Variants in ESRRG observed in about 807,000 individuals in gnomAD.
ESRRG encodes estrogen related receptor gamma.
ESRRG carries 13 observed loss-of-function variants against 44.0 expected under a neutral mutation model. The observed-to-expected ratio is 0.30, with a 90% CI of 0.19 to 0.47. The LOEUF (loss-of-function observed/expected upper bound fraction) is 0.47. Among genes scored for constraint, ESRRG ranks in the 20% least tolerant of loss-of-function variants. ESRRG has a pLI of 1.00. For synonymous variants in ESRRG, 215 were observed against 214.6 expected (o/e 1.00, Z -0.02); for missense variants, 395 against 580.6 (o/e 0.68, Z 3.29).
At chr1:216,773,402 T>C (rs79133455) in intron 2 of ESRRG, among the ~76,000 whole-genome samples, 11,025 of 152,152 alleles carry the variant, frequency 0.072, 487 homozygotes, top group Middle Eastern at 0.14. Flanking sequence ...GATGTAGATA[T>C]GGTATCTTAC....
intron 1 of ESRRG, among the ~76,000 whole-genome samples, chr1:216,983,692 GTGTGT>G: frequency 1.8e-5 from 1 of 55,860 alleles, no homozygotes; most frequent in African/African-American, 1.8e-4. Flanking sequence ...GTGCATGTGT[GTGTGT>G]GTGTGTGTGT....
At chr1:216,886,637 A>G (rs2096522137) in intron 2 of ESRRG, among the ~76,000 whole-genome samples, 1 of 152,118 alleles carries the variant, frequency 6.6e-6, no homozygotes, top group African/African-American at 2.4e-5. Flanking sequence ...TTTTTATTCC[A>G]CTTAAAAATT....
chr1:216,537,351 A>G (rs1269500552), intron 5 of ESRRG, among the ~76,000 whole-genome samples: 1 of 152,094 alleles, frequency 6.6e-6, no homozygotes, highest in East Asian at 1.9e-4. Context: ...CTCTAGAACC[A>G]TAAGAAATGC....
chr1:216,987,327 A>G (rs568840508), intron 1 of ESRRG, among the ~76,000 whole-genome samples: 2 of 152,372 alleles, frequency 1.3e-5, no homozygotes, highest in Admixed American at 1.3e-4. Context: ...CCATCAACCT[A>G]TGAAGGAATA....
At chr1:217,088,463 C>T (rs1162890515) in intron 1 of ESRRG, among the ~76,000 whole-genome samples, 1 of 126,150 alleles carries the variant, frequency 7.9e-6, no homozygotes, top group Non-Finnish European at 1.6e-5. Context: ...CAACATTGCC[C>T]TCTGGTTTAT....
chr1:217,134,148 GA>G (rs2093014028), intron 1 of ESRRG, among the ~76,000 whole-genome samples: 1 of 152,126 alleles, frequency 6.6e-6, no homozygotes, highest in African/African-American at 2.4e-5. Flanking sequence ...GCTCGGGAGG[GA>G]ACTGGGGATG....
At chr1:217,127,401 G>A (rs550110878) in intron 1 of ESRRG, among the ~76,000 whole-genome samples, 15 of 152,266 alleles carry the variant, frequency 9.9e-5, no homozygotes, top group South Asian at 8.3e-4. Flanking sequence ...ATCAAAAGAT[G>A]GCCTTGAAAA....
chr1:216,890,082 T>C (rs1324402911), intron 2 of ESRRG, among the ~76,000 whole-genome samples: 3 of 151,960 alleles, frequency 2.0e-5, no homozygotes, highest in Middle Eastern at 3.5e-3. Flanking sequence ...TTGGGGAACA[T>C]GGGAAGATCC....
intron 2 of ESRRG, among the ~76,000 whole-genome samples, chr1:216,796,264 C>T (rs116699551): frequency 0.019 from 2,896 of 152,226 alleles, 95 homozygotes; most frequent in African/African-American, 0.064. Context: ...ACACCCTTAC[C>T]CCACTTCCCC....
intron 1 of ESRRG, among the ~76,000 whole-genome samples, chr1:217,136,018 T>G (rs1045063495): frequency 4.6e-5 from 7 of 152,152 alleles, no homozygotes; most frequent in African/African-American, 1.7e-4. Context: ...TTATTAGAAT[T>G]TACAGTAGTG....
At chr1:216,663,142 A>C (rs2072962646) in intron 2 of ESRRG, among the ~76,000 whole-genome samples, 2 of 152,180 alleles carry the variant, frequency 1.3e-5, no homozygotes, top group Admixed American at 1.3e-4. Flanking sequence ...AGTATCACAA[A>C]ATTTGAAATT....
At chr1:216,601,198 C>A (rs902218247) in intron 3 of ESRRG, among the ~76,000 whole-genome samples, 6 of 152,172 alleles carry the variant, frequency 3.9e-5, no homozygotes, top group African/African-American at 1.4e-4. Flanking sequence ...GCTCTGCTCG[C>A]TCCATGGACA....
intron 2 of ESRRG, among the ~76,000 whole-genome samples, chr1:216,871,537 T>C (rs1559934662): frequency 6.6e-6 from 1 of 152,016 alleles, no homozygotes; most frequent in Admixed American, 6.5e-5. Flanking sequence ...ATGATTTTTT[T>C]CTCTCTTAGT....
chr1:216,884,288 G>T (rs1310438556), intron 2 of ESRRG, among the ~76,000 whole-genome samples: 2 of 152,182 alleles, frequency 1.3e-5, no homozygotes, highest in Non-Finnish European at 2.9e-5. Flanking sequence ...AGATAGCAGG[G>T]CAAATGCCAT....
intron 2 of ESRRG, among the ~76,000 whole-genome samples, chr1:216,842,958 T>C (rs997510719): frequency 6.6e-6 from 1 of 152,150 alleles, no homozygotes; most frequent in African/African-American, 2.4e-5. Flanking sequence ...ATGAGATATA[T>C]ATCATCAAAA....
intron 1 of ESRRG, among the ~76,000 whole-genome samples, chr1:216,966,931 G>A (rs895757598): frequency 6.6e-6 from 1 of 152,110 alleles, no homozygotes; most frequent in African/African-American, 2.4e-5. Flanking sequence ...ATTTGTTTCT[G>A]GCTGGCCCTA....
chr1:217,085,552 G>GT (rs138900409), intron 1 of ESRRG, among the ~76,000 whole-genome samples: 22,390 of 125,608 alleles, frequency 0.18, 2,037 homozygotes, highest in Admixed American at 0.28. Context: ...GTGCAGTGGC[G>GT]CCATCTCGGC....
chr1:217,096,885 G>A (rs1055662542), intron 1 of ESRRG, among the ~76,000 whole-genome samples: 1 of 152,118 alleles, frequency 6.6e-6, no homozygotes, highest in South Asian at 2.1e-4. Flanking sequence ...AATGATCAAG[G>A]AGAACATTTG....
At chr1:216,940,230 A>C (rs1449803639) in intron 1 of ESRRG, among the ~76,000 whole-genome samples, 1 of 152,174 alleles carries the variant, frequency 6.6e-6, no homozygotes, top group East Asian at 1.9e-4. Flanking sequence ...AATAAACTCC[A>C]AGTGGGTTTT....
Sources: allele counts gnomAD v4.1 joint callset (sites outside exome capture counted in the v4.1 genomes callset), GRCh38; gene constraint gnomAD v4.1.1; transcripts MANE v1.5; gene names NCBI Gene and HGNC (gene_info 2026-07-23, HGNC 2026-07-21).